CNTNAP5: variants seen among roughly 807,000 people sequenced by gnomAD.
CNTNAP5 encodes contactin-associated protein-like 5.
Under a neutral mutation model 150.2 loss-of-function variants are expected in CNTNAP5, and 72 were observed. The ratio of observed to expected loss-of-function variants is 0.48; its 90% CI spans 0.40 to 0.58. The LOEUF is 0.58. Among genes scored for constraint, CNTNAP5 ranks in the 20% least tolerant of loss-of-function variants. The probability of loss-of-function intolerance (pLI) is 0.00; values close to 1 mark genes in which losing one functional copy is unlikely to be tolerated. For missense variants in CNTNAP5, 1,636 were observed against 1,626.2 expected, an observed-to-expected ratio of 1.01 and a Z score of -0.10; for synonymous variants, 672 against 619.8, an observed-to-expected ratio of 1.08 and a Z score of -1.25.
chr2:124,681,611 C>T (rs1003363991), intron 13 of CNTNAP5, among the ~76,000 whole-genome samples: 7 of 152,200 alleles, frequency 4.6e-5, no homozygotes, highest in Admixed American at 6.5e-5. Context: ...TCGCTCAGGC[C>T]GGAGTGCAGT....
At chr2:124,762,522 C>A (rs990131117) in intron 14 of CNTNAP5, among the ~76,000 whole-genome samples, 1 of 152,120 alleles carries the variant, frequency 6.6e-6, no homozygotes, top group African/African-American at 2.4e-5. Context: ...CATTTTTGAG[C>A]ATTTACCGTA....
chr2:124,914,096 G>C lies in CNTNAP5; in HGVS notation c.3732G>C (p.Val1244=). Reference sequence around the variant, plus strand: ...TTCCTTCCCCTTTCTCTCCAGGGGTGATAGCAGTGGTGATATTCATCATCT... The same window carrying C: ...TTCCTTCCCCTTTCTCTCCAGGGGTCATAGCAGTGGTGATATTCATCATCT... ...VRSDSAVIGG[V]IAVVIFIIFC... Residue 1244 remains valine, a synonymous_variant, in exon 24 of 24, where the codon GTG becomes GTC. Coordinates refer to ENST00000682447, the MANE Select transcript of CNTNAP5 (RefSeq NM_001367498.1). 1.2e-6 allele frequency: 2 copies of C among 1,609,994 alleles called. No individual in the cohort carries two copies. The highest frequency in any genetic ancestry group is 1.7e-6 in the Non-Finnish European group (2 of 1,177,006).
chr2:124,911,175 A>C (rs1678645934), intron 22 of CNTNAP5, among the ~76,000 whole-genome samples: 1 of 151,932 alleles, frequency 6.6e-6, no homozygotes, highest in African/African-American at 2.4e-5. Context: ...AGGGGACATT[A>C]GGAGCAGGGT....
intron 11 of CNTNAP5, among the ~76,000 whole-genome samples, chr2:124,601,265 G>A (rs942247326): frequency 6.6e-6 from 1 of 152,158 alleles, no homozygotes; most frequent in Non-Finnish European, 1.5e-5. Flanking sequence ...TCAGCTCCGA[G>A]ATATTCCACA....
At chr2:124,806,034 C>T (rs896913764) in intron 19 of CNTNAP5, among the ~76,000 whole-genome samples, 2 of 152,204 alleles carry the variant, frequency 1.3e-5, no homozygotes, top group Non-Finnish European at 2.9e-5. Flanking sequence ...GAGACACAAA[C>T]ATTTATTCTA....
intron 13 of CNTNAP5, among the ~76,000 whole-genome samples, chr2:124,669,176 A>G (rs1050075989): frequency 6.6e-6 from 1 of 152,188 alleles, no homozygotes. Flanking sequence ...TGCAAATGGT[A>G]TTCATTTTTA....
At chr2:124,704,176 C>A (rs1679584002) in intron 13 of CNTNAP5, among the ~76,000 whole-genome samples, 1 of 152,138 alleles carries the variant, frequency 6.6e-6, no homozygotes, top group Non-Finnish European at 1.5e-5. Context: ...AAAGATTGCA[C>A]TGGGAGTGGG....
intron 4 of CNTNAP5, among the ~76,000 whole-genome samples, chr2:124,421,634 G>T (rs551243287): frequency 6.6e-6 from 1 of 151,998 alleles, no homozygotes; most frequent in Non-Finnish European, 1.5e-5. Context: ...TCTTTTACAC[G>T]GTCACCAAAA....
chr2:124,487,802 T>G (rs142938556), intron 7 of CNTNAP5, among the ~76,000 whole-genome samples: 2 of 152,142 alleles, frequency 1.3e-5, no homozygotes, highest in African/African-American at 4.8e-5. Flanking sequence ...GGCTTTTTTT[T>G]CCCCCATGTT....
intron 12 of CNTNAP5, among the ~76,000 whole-genome samples, chr2:124,630,488 A>G (rs750557668): frequency 6.6e-6 from 1 of 152,218 alleles, no homozygotes; most frequent in African/African-American, 2.4e-5. Context: ...GATTATCTCA[A>G]TAGACACAGA....
intron 3 of CNTNAP5, among the ~76,000 whole-genome samples, chr2:124,363,317 T>C (rs1165170430): frequency 6.6e-6 from 1 of 152,186 alleles, no homozygotes; most frequent in East Asian, 1.9e-4. Context: ...ATTTCATCTA[T>C]TCTCATGTTC....
intron 19 of CNTNAP5, among the ~76,000 whole-genome samples, chr2:124,844,288 T>C (rs372235072): frequency 6.6e-6 from 1 of 152,090 alleles, no homozygotes. Context: ...CCACTTTATG[T>C]TTTTGTTTGC....
rs964871923 is a variant in CNTNAP5 at position 124,797,000 on chromosome 2, A to G, written c.2993-1096A>G. 5.1e-4 allele frequency among the ~76,000 whole-genome samples: 77 copies of G among 152,236 alleles called. 2 individuals are homozygous for G. Among genetic ancestry groups the G allele is most frequent in the Non-Finnish European group, 1.0e-3 (71 of 68,042 alleles). ...TTTAATAAATGAATATATTGTATAAAGTCTATTGGGATGGATTCAGGTTAA... is the reference window on the plus strand; with the variant it reads ...TTTAATAAATGAATATATTGTATAAGGTCTATTGGGATGGATTCAGGTTAA... On this transcript the variant is annotated intron_variant, in intron 18 of 23. Transcript: ENST00000682447.
chr2:124,677,295 G>A (rs1268131446), intron 13 of CNTNAP5, among the ~76,000 whole-genome samples: 1 of 152,186 alleles, frequency 6.6e-6, no homozygotes, highest in Non-Finnish European at 1.5e-5. Context: ...CTTCAGGAAT[G>A]AAGCCAGAGA....
intron 19 of CNTNAP5, among the ~76,000 whole-genome samples, chr2:124,841,379 C>CT (rs71917649): frequency 0.052 from 7,479 of 145,214 alleles, 589 homozygotes; most frequent in African/African-American, 0.17. Flanking sequence ...TGCACTCCAT[C>CT]TTTTTTTTTT....
intron 8 of CNTNAP5, among the ~76,000 whole-genome samples, chr2:124,510,321 C>CTATATATATA (rs1403460082): frequency 1.0e-3 from 42 of 40,010 alleles, no homozygotes; most frequent in African/African-American, 1.4e-3. Context: ...ATCTATATAT[C>CTATATATATA]TATCTATATA....
chr2:124,205,879 G>T lies in CNTNAP5; in HGVS notation c.83-15826G>T, dbSNP rs372992922. ...CCTGAAGATGTAGTCATATGTACAT[G>T]ATAATTTTTTAACTTCTTATCTAAG... On this transcript the variant is annotated intron_variant, in intron 1 of 23. Transcript: ENST00000682447. Among the ~76,000 whole-genome samples, 6 of 152,100 alleles carry T rather than the reference G, an allele frequency of 3.9e-5. No homozygotes were observed. The East Asian group carries it at 9.6e-4, about 24-fold the overall frequency.
intron 13 of CNTNAP5, among the ~76,000 whole-genome samples, chr2:124,661,227 C>T (rs748103410): frequency 2.0e-5 from 3 of 151,724 alleles, no homozygotes; most frequent in Non-Finnish European, 2.9e-5. Flanking sequence ...GCATTTTTAA[C>T]ATTTTTACTC....
Position 124,679,382 on chromosome 2 carries a change from C to T in CNTNAP5, c.2077+31424C>T, listed in dbSNP as rs367768552. ...GTAATCACTAACATCATTATCATCT[C>T]ATCCCTTCTGATTCTGAAGGACTTT... On this transcript the variant is annotated intron_variant, in intron 13 of 23. Coordinates refer to ENST00000682447, the MANE Select transcript of CNTNAP5 (RefSeq NM_001367498.1). Among the ~76,000 whole-genome samples the T allele has an allele frequency of 2.0e-3, 304 of 151,946 alleles. 2 individuals carry two copies. Among genetic ancestry groups the T allele is most frequent in the African/African-American group, 6.9e-3 (285 of 41,544 alleles).
Sources: allele counts gnomAD v4.1 joint callset (sites outside exome capture counted in the v4.1 genomes callset), GRCh38; gene constraint gnomAD v4.1.1; transcripts MANE v1.5; gene names NCBI Gene and HGNC (gene_info 2026-07-23, HGNC 2026-07-21).